ITGA9: variants seen among roughly 807,000 people sequenced by gnomAD.
ITGA9 encodes the protein integrin alpha-9.
Under a neutral mutation model 127.8 loss-of-function variants are expected in ITGA9, and 56 were observed. That is an observed-to-expected ratio of 0.44 (90% CI 0.35 to 0.55). ITGA9 has a LOEUF of 0.55. ITGA9 is among the 20% of genes least tolerant of loss of function. ITGA9 has a pLI of 0.00. For missense variants in ITGA9, 1,196 were observed against 1,347.1 expected, an observed-to-expected ratio of 0.89 and a Z score of 1.76; for synonymous variants, 508 against 514.5, an observed-to-expected ratio of 0.99 and a Z score of 0.17.
Position 37,618,223 on chromosome 3 carries a change from T to G in ITGA9, c.1690-10964T>G, listed in dbSNP as rs562183096. Among the ~76,000 whole-genome samples the G allele has an allele frequency of 1.5e-3, 224 of 152,258 alleles. 4 individuals carry two copies. The highest frequency in any genetic ancestry group is 5.2e-3 in the African/African-American group (218 of 41,548). On this transcript the variant is annotated intron_variant, in intron 15 of 27. Transcript: ENST00000264741. Reference sequence around the variant, plus strand: ...CAGGTCTGTTGGAGTTTGCCAGAGGTCCACTCCAGACCCTGTTTGCCTGGG... The same window carrying G: ...CAGGTCTGTTGGAGTTTGCCAGAGGGCCACTCCAGACCCTGTTTGCCTGGG...
At chr3:37,765,614 G>C (rs1377993878) in intron 23 of ITGA9, among the ~76,000 whole-genome samples, 1 of 152,142 alleles carries the variant, frequency 6.6e-6, no homozygotes, top group Non-Finnish European at 1.5e-5. Context: ...ATTGAATTCT[G>C]GAACAAAAGT....
chr3:37,508,073 C>G (rs1698863647), intron 7 of ITGA9, among the ~76,000 whole-genome samples: 2 of 152,206 alleles, frequency 1.3e-5, no homozygotes, highest in African/African-American at 4.8e-5. Context: ...GATCACATGA[C>G]TCTAATATTA....
chr3:37,525,099 AAGT>A (rs1699080989), intron 12 of ITGA9, among the ~76,000 whole-genome samples: 1 of 152,158 alleles, frequency 6.6e-6, no homozygotes, highest in Admixed American at 6.5e-5. Flanking sequence ...TGGTTCTGTG[AAGT>A]AGTAGTGGGA....
chr3:37,593,785 C>T (rs757259569), intron 15 of ITGA9, among the ~76,000 whole-genome samples: 3 of 152,320 alleles, frequency 2.0e-5, no homozygotes, highest in South Asian at 2.1e-4. Context: ...CTCTAAGCTG[C>T]GGGGAAAGGG....
intron 26 of ITGA9, among the ~76,000 whole-genome samples, chr3:37,792,179 C>T (rs930040185): frequency 6.6e-6 from 1 of 152,102 alleles, no homozygotes; most frequent in Non-Finnish European, 1.5e-5. Flanking sequence ...TATAGTTTTC[C>T]AAACACACGA....
At chr3:37,473,219 G>C in intron 2 of ITGA9, 135 bp from the exon 3 acceptor site, 1 of 592,650 alleles carries the variant, frequency 1.7e-6, no homozygotes, top group African/African-American at 1.9e-5. Context: ...AAACAGTATA[G>C]TACATAGTGA....
intron 16 of ITGA9, among the ~76,000 whole-genome samples, chr3:37,633,299 C>T (rs957379612): frequency 6.6e-6 from 1 of 152,122 alleles, no homozygotes; most frequent in African/African-American, 2.4e-5. Flanking sequence ...TACAGATTCT[C>T]CTTGACTCAC....
intron 17 of ITGA9, among the ~76,000 whole-genome samples, chr3:37,660,411 T>A (rs1307888654): frequency 6.6e-6 from 1 of 152,242 alleles, no homozygotes; most frequent in Non-Finnish European, 1.5e-5. Context: ...GGTATTAAGT[T>A]AGCAAAGTCC....
chr3:37,761,937 G>GC (rs1203719362), intron 23 of ITGA9, among the ~76,000 whole-genome samples: 1 of 152,226 alleles, frequency 6.6e-6, no homozygotes, highest in Non-Finnish European at 1.5e-5. Context: ...AGAATTCGCA[G>GC]CCCCTCTCCT....
At chr3:37,581,396 G>A (rs927476966) in intron 15 of ITGA9, among the ~76,000 whole-genome samples, 4 of 152,212 alleles carry the variant, frequency 2.6e-5, no homozygotes, top group Non-Finnish European at 5.9e-5. Flanking sequence ...CGTGATTGGT[G>A]AGGACTGTTT....
intron 16 of ITGA9, among the ~76,000 whole-genome samples, chr3:37,638,214 A>T (rs1700299494): frequency 6.6e-6 from 1 of 152,230 alleles, no homozygotes; most frequent in African/African-American, 2.4e-5. Flanking sequence ...GGAAATAATC[A>T]TCAAAAGAAA....
chr3:37,545,602 A>G (rs1319249877), intron 15 of ITGA9, among the ~76,000 whole-genome samples: 1 of 152,228 alleles, frequency 6.6e-6, no homozygotes, highest in Non-Finnish European at 1.5e-5. Flanking sequence ...CACTGTGGTC[A>G]GCAGAGCTGA....
chr3:37,683,191 C>A (rs140815795), intron 17 of ITGA9, among the ~76,000 whole-genome samples: 15 of 152,304 alleles, frequency 9.8e-5, no homozygotes, highest in African/African-American at 2.9e-4. Flanking sequence ...CTTGCTGTTA[C>A]CTGCACATGC....
chr3:37,459,977 A>T (rs1036518269), intron 1 of ITGA9, among the ~76,000 whole-genome samples: 3 of 152,200 alleles, frequency 2.0e-5, no homozygotes, highest in Non-Finnish European at 2.9e-5. Context: ...TGATTCTGCC[A>T]GGGACATTTG....
intron 3 of ITGA9, among the ~76,000 whole-genome samples, chr3:37,478,787 C>A (rs986641073): frequency 6.6e-6 from 1 of 152,234 alleles, no homozygotes; most frequent in African/African-American, 2.4e-5. Flanking sequence ...TGTTTTCCTA[C>A]ATGAATCCTT....
chr3:37,525,869 T>G (rs1314449651), intron 12 of ITGA9, among the ~76,000 whole-genome samples, 157 bp from the exon 13 acceptor site: 1 of 152,138 alleles, frequency 6.6e-6, no homozygotes, highest in East Asian at 1.9e-4. Context: ...AGAGTGTGGC[T>G]TCCATTCTTA....
At chr3:37,758,020 T>G (rs531151929) in intron 23 of ITGA9, among the ~76,000 whole-genome samples, 38 of 151,756 alleles carry the variant, frequency 2.5e-4, no homozygotes, top group African/African-American at 8.8e-4. Context: ...ATACAAAAGT[T>G]CTAAATAAAT....
chr3:37,723,225 C>T (rs1195519834), intron 18 of ITGA9, among the ~76,000 whole-genome samples: 1 of 152,084 alleles, frequency 6.6e-6, no homozygotes, highest in East Asian at 1.9e-4. Flanking sequence ...TCCTATTAGA[C>T]ATATGATTTA....
intron 15 of ITGA9, among the ~76,000 whole-genome samples, chr3:37,600,039 T>C (rs1247140419): frequency 6.6e-6 from 1 of 152,180 alleles, no homozygotes; most frequent in African/African-American, 2.4e-5. Context: ...AAAGCGGGAC[T>C]CTTATCCTTG....
Sources: allele counts gnomAD v4.1 joint callset (sites outside exome capture counted in the v4.1 genomes callset), GRCh38; gene constraint gnomAD v4.1.1; transcripts MANE v1.5; gene names NCBI Gene and HGNC (gene_info 2026-07-23, HGNC 2026-07-21).